The following GAS2 variants were observed in gnomAD, a reference collection of about 807,000 sequenced individuals.
The protein encoded by GAS2 is growth arrest specific 2.
Under a neutral mutation model 37.5 loss-of-function variants are expected in GAS2, and 20 were observed. The observed-to-expected ratio is 0.53, with a 90% CI of 0.37 to 0.77. The LOEUF is 0.77. GAS2 is among the 30% of genes least tolerant of loss of function. The probability of loss-of-function intolerance (pLI) is 0.00; values close to 1 mark genes in which losing one functional copy is unlikely to be tolerated. For synonymous variants in GAS2, 144 were observed against 132.2 expected (o/e 1.09, Z -0.61); for missense variants, 336 against 373.4 (o/e 0.90, Z 0.82).
chr11:22,790,107 C>T (rs1856070077), intron 7 of GAS2, among the ~76,000 whole-genome samples: 1 of 152,094 alleles, frequency 6.6e-6, no homozygotes, highest in Non-Finnish European at 1.5e-5. Flanking sequence ...CAGCCAATGG[C>T]ATGATCTCCA....
intron 3 of GAS2, among the ~76,000 whole-genome samples, chr11:22,698,042 T>C (rs920246929): frequency 2.6e-5 from 4 of 152,176 alleles, no homozygotes; most frequent in African/African-American, 9.7e-5. Flanking sequence ...AGGGAATGCT[T>C]CCAGTTTTTG....
At chr11:22,684,317 G>T (rs896249602) in intron 2 of GAS2, among the ~76,000 whole-genome samples, 1 of 152,174 alleles carries the variant, frequency 6.6e-6, no homozygotes, top group Non-Finnish European at 1.5e-5. Flanking sequence ...AGTGAGGACG[G>T]TGTTTAGCCA....
rs954431256 is a variant in GAS2, at chr11:22,739,312, T to C, written c.473+1544T>C. ...GAAGTTGGCCGGGCGCTGTGGCTCA[T>C]GCCTGTAATCCCAGCACTTTGGGAG... On this transcript the variant is annotated intron_variant, in intron 5 of 7. Coordinates refer to ENST00000454584, the MANE Select transcript of GAS2 (RefSeq NM_001143830.3). 9.9e-5 allele frequency among the ~76,000 whole-genome samples: 15 copies of C among 152,106 alleles called. No homozygotes were observed. The South Asian group carries it at 2.9e-3, about 29-fold the overall frequency.
rs1251619746 is a variant in GAS2, at chr11:22,690,586, T to G, written c.267+4797T>G. Among the ~76,000 whole-genome samples, 4 of 152,192 alleles carry G rather than the reference T, an allele frequency of 2.6e-5. No individual in the cohort carries two copies. In the East Asian group the frequency reaches 7.7e-4, roughly 29 times the overall value. On this transcript the variant is annotated intron_variant, in intron 3 of 7. Coordinates refer to ENST00000454584, the MANE Select transcript of GAS2 (RefSeq NM_001143830.3). ...TAATTCATTTATACATACTATAATA[T>G]TATGAATTCACTGTAATTACAAATC... is the stretch of plus-strand genomic sequence containing the variant.
rs182471301 is a variant in GAS2 at position 22,645,003 on chromosome 11, G to A, written c.-21+19190G>A. On this transcript the variant is annotated intron_variant, in intron 1 of 5. Coordinates refer to the GAS2 transcript ENST00000528582. ...CATAACTAGAATTTTCTATCTTATTGATGCTGTACATAGAGGAGGAGAAGT... is the reference window on the plus strand; with the variant it reads ...CATAACTAGAATTTTCTATCTTATTAATGCTGTACATAGAGGAGGAGAAGT... 2.2e-3 allele frequency among the ~76,000 whole-genome samples: 340 copies of A among 152,216 alleles called. 2 individuals are homozygous for A. Among genetic ancestry groups the A allele is most frequent in the South Asian group, 8.9e-3 (43 of 4,814 alleles).
chr11:22,676,449 G>T (rs889704423), intron 2 of GAS2, among the ~76,000 whole-genome samples: 1 of 152,084 alleles, frequency 6.6e-6, no homozygotes, highest in Non-Finnish European at 1.5e-5. Context: ...GAGCACAGGC[G>T]CTGGAAATAG....
At chr11:22,757,704 C>T (rs1044453389) in intron 7 of GAS2, among the ~76,000 whole-genome samples, 6 of 152,088 alleles carry the variant, frequency 3.9e-5, no homozygotes, top group South Asian at 4.1e-4. Context: ...TAAAATGAAA[C>T]GTTTTTTAAA....
intron 1 of GAS2, among the ~76,000 whole-genome samples, chr11:22,637,129 ATTAATATTATATCAATATATTACTTATG>A (rs1565060458): frequency 0.024 from 3,006 of 125,216 alleles, 139 homozygotes; most frequent in Non-Finnish European, 0.035. Context: ...TATTACTTAT[ATTAATATTATATCAATATATTACTTATG>A]TTAATATTAT....
At chr11:22,763,066 G>A (rs1206944910) in intron 7 of GAS2, among the ~76,000 whole-genome samples, 1 of 152,104 alleles carries the variant, frequency 6.6e-6, no homozygotes, top group Admixed American at 6.6e-5. Flanking sequence ...AGTACTTGAG[G>A]GGCCTAAAGA....
At chr11:22,681,704 A>G (rs1474231767) in intron 2 of GAS2, among the ~76,000 whole-genome samples, 1 of 152,202 alleles carries the variant, frequency 6.6e-6, no homozygotes, top group Non-Finnish European at 1.5e-5. Flanking sequence ...ATTTAAACTA[A>G]AGAAGATTTG....
Position 22,697,004 on chromosome 11 carries a change from A to G in GAS2, c.267+11215A>G, listed in dbSNP as rs1193533656. On this transcript the variant is annotated intron_variant, in intron 3 of 7. Coordinates refer to ENST00000454584, the MANE Select transcript of GAS2 (RefSeq NM_001143830.3). ...TGCCATTGCTTTTGGTGTTTTAGACATGAAGTCCTTGCCCATGCCTATGTC... is the reference window on the plus strand; with the variant it reads ...TGCCATTGCTTTTGGTGTTTTAGACGTGAAGTCCTTGCCCATGCCTATGTC... Among the ~76,000 whole-genome samples the G allele has an allele frequency of 4.0e-5, 6 of 151,218 alleles. No homozygotes were observed. The East Asian group carries it at 7.8e-4, about 20-fold the overall frequency.
At chr11:22,712,336 T>C (rs937646488) in intron 3 of GAS2, among the ~76,000 whole-genome samples, 1 of 152,160 alleles carries the variant, frequency 6.6e-6, no homozygotes, top group African/African-American at 2.4e-5. Context: ...GGTTCCGGCA[T>C]CCACAGCTGG....
intron 7 of GAS2, among the ~76,000 whole-genome samples, chr11:22,792,981 C>T (rs1564891595): frequency 6.6e-6 from 1 of 152,136 alleles, no homozygotes; most frequent in Non-Finnish European, 1.5e-5. Context: ...ACAGGGATTA[C>T]AAAGAGGCCA....
At chr11:22,649,755 G>T (rs547939649) in intron 1 of GAS2, among the ~76,000 whole-genome samples, 3,429 of 152,066 alleles carry the variant, frequency 0.023, 111 homozygotes, top group African/African-American at 0.079. Context: ...TGTGGGATCG[G>T]TGGTGATATC....
chr11:22,792,576 T>A (rs934354685), intron 7 of GAS2, among the ~76,000 whole-genome samples: 8 of 152,238 alleles, frequency 5.3e-5, no homozygotes, highest in Middle Eastern at 6.8e-3. Context: ...GCTTTGGGAG[T>A]TTATGTCTAA....
intron 4 of GAS2, among the ~76,000 whole-genome samples, chr11:22,732,502 C>T (rs1054909675): frequency 1.3e-5 from 2 of 151,632 alleles, no homozygotes; most frequent in Non-Finnish European, 3.0e-5. Context: ...TGAGATTCTT[C>T]TTTGTTTGCT....
chr11:22,650,167 C>T (rs1298550205), intron 1 of GAS2, among the ~76,000 whole-genome samples: 10 of 151,532 alleles, frequency 6.6e-5, no homozygotes, highest in Middle Eastern at 3.4e-3. Context: ...GCCTTCATTT[C>T]GTTATGTACC....
chr11:22,767,093 ATCTT>A (rs1854734653), intron 7 of GAS2, among the ~76,000 whole-genome samples: 1 of 152,096 alleles, frequency 6.6e-6, no homozygotes, highest in Non-Finnish European at 1.5e-5. Flanking sequence ...CAGTACGGAT[ATCTT>A]TCTTTTATAT....
intron 1 of GAS2, among the ~76,000 whole-genome samples, chr11:22,631,946 CTTT>C (rs35928910): frequency 1.2e-3 from 103 of 82,958 alleles, no homozygotes; most frequent in African/African-American, 4.2e-3. Flanking sequence ...TGGCCCTGGA[CTTT>C]TTTTTTTTTT....
Sources: gnomAD v4.1 joint callset for allele counts (sites outside exome capture counted in the v4.1 genomes callset) on GRCh38, gnomAD v4.1.1 for gene constraint, MANE v1.5 for transcripts, NCBI Gene and HGNC (gene_info 2026-07-23, HGNC 2026-07-21) for gene names.